The following LRP2 variants were observed in gnomAD, a reference collection of about 807,000 sequenced individuals.
LRP2 encodes the protein low-density lipoprotein receptor-related protein 2.
Under a neutral mutation model 531.0 loss-of-function variants are expected in LRP2, and 172 were observed. The observed-to-expected ratio is 0.32, with a 90% CI of 0.29 to 0.37. The LOEUF (loss-of-function observed/expected upper bound fraction) is 0.37. Among genes scored for constraint, LRP2 ranks in the 10% least tolerant of loss-of-function variants. The pLI, the probability that LRP2 is intolerant of heterozygous loss-of-function variation, is 1.00. For synonymous variants in LRP2, 1,992 were observed against 2,027.6 expected (o/e 0.98, Z 0.47); for missense variants, 5,167 against 5,868.3 (o/e 0.88, Z 3.90).
rs113004828 is a variant in LRP2 at position 169,173,368 on chromosome 2, T to A, written c.11015-144A>T. 1.4e-4 allele frequency: 140 copies of A among 970,594 alleles called. 1 individual carries two copies. In the African/African-American group the frequency reaches 2.0e-3, roughly 14 times the overall value. The allele number at this position is 970,594 out of a possible 1,614,324, so 60.1% of individuals were successfully genotyped here. Reference sequence around the variant, plus strand: ...TCTGGCGATATGTGTCTGTTTTAGATGTGATCTGTTTACCATGAGCAGAAA... The same window carrying A: ...TCTGGCGATATGTGTCTGTTTTAGAAGTGATCTGTTTACCATGAGCAGAAA... On this transcript the variant is annotated intron_variant, in intron 56 of 78. Transcript: ENST00000649046.
At chr2:169,266,575 A>G (rs62173960) in intron 16 of LRP2, among the ~76,000 whole-genome samples, 6,634 of 152,200 alleles carry the variant, frequency 0.044, 191 homozygotes, top group South Asian at 0.11. Context: ...GAAATTGAGT[A>G]ACTTCCCCAA....
In LRP2 at chr2:169,139,591, C is replaced by T. The variant is rs1574064444; in HGVS notation, c.13219G>A (p.Gly4407Arg). 6 of 1,614,166 alleles carry T rather than the reference C, an allele frequency of 3.7e-6. No homozygotes were observed. The highest frequency in any genetic ancestry group is 3.3e-5 in the South Asian group (3 of 91,082). ...PKCKCPSGYT[G>R]KYCEMAFSKG... ...GAAAACGCCATTTCACAATATTTTC[C>T]GGTGTAGCCGCTAGGACACCTGAAA... is the stretch of plus-strand genomic sequence containing the variant. The change falls in exon 73 of 79, where the codon GGA (glycine) becomes AGA (arginine). Residue 4407 changes from glycine (G) to arginine (R), a missense_variant. Gly to Arg is a moderately radical substitution (Grantham distance 125). This residue lies in a region of LRP2 where 348 missense variants were observed against 369.3 expected (regional missense o/e 0.94). Coordinates refer to ENST00000649046, the MANE Select transcript of LRP2 (RefSeq NM_004525.3).
intron 3 of LRP2, among the ~76,000 whole-genome samples, chr2:169,310,710 C>A (rs895742492): frequency 6.6e-6 from 1 of 152,178 alleles, no homozygotes; most frequent in African/African-American, 2.4e-5. Flanking sequence ...ATGATGCTGG[C>A]CTCATAAAAT....
At chr2:169,230,037 A>G (rs1689345029) in intron 31 of LRP2, among the ~76,000 whole-genome samples, 1 of 152,252 alleles carries the variant, frequency 6.6e-6, no homozygotes, top group African/African-American at 2.4e-5. Flanking sequence ...GAAATACTTA[A>G]AAAGTTCCAC....
chr2:169,189,615 G>C (rs1187064449), intron 48 of LRP2, among the ~76,000 whole-genome samples: 2 of 152,076 alleles, frequency 1.3e-5, no homozygotes, highest in Non-Finnish European at 2.9e-5. Context: ...AGCATCAGTA[G>C]TGAGCCAAGA....
intron 52 of LRP2, among the ~76,000 whole-genome samples, chr2:169,180,830 ATTG>A (rs1233682276): frequency 6.6e-6 from 1 of 152,214 alleles, no homozygotes; most frequent in East Asian, 1.9e-4. Flanking sequence ...CAATATGGGT[ATTG>A]TTGTTTAATT....
intron 76 of LRP2, among the ~76,000 whole-genome samples, chr2:169,132,912 G>A (rs1281222925): frequency 1.3e-5 from 2 of 152,072 alleles, no homozygotes; most frequent in African/African-American, 2.4e-5. Context: ...ATCCTGGGAG[G>A]CAAATACATC....
Position 169,175,253 on chromosome 2 carries a change from T to C in LRP2, c.10708A>G (p.Thr3570Ala), listed in dbSNP as rs759757923. 5.6e-6 allele frequency: 9 copies of C among 1,614,172 alleles called. No individual in the cohort carries two copies. In the South Asian group the frequency reaches 8.8e-5, roughly 16 times the overall value. ...CSDGNCTSPQ[T>A]LCNAHQNCPD... ...CAATTTTGGTGAGCATTGCATAAAGTCTGCGGGCTGGTGCAGTTGCCGTCA... is the reference window on the plus strand; with the variant it reads ...CAATTTTGGTGAGCATTGCATAAAGCCTGCGGGCTGGTGCAGTTGCCGTCA... The change falls in exon 55 of 79, where the codon ACT (threonine) becomes GCT (alanine). Residue 3570 changes from threonine (T) to alanine (A), a missense_variant. Around this residue, in one of 6 missense-constraint regions of LRP2, gnomAD observed 311 missense variants for 309.4 expected, o/e 1.01. Coordinates refer to ENST00000649046, the MANE Select transcript of LRP2 (RefSeq NM_004525.3).
At chr2:169,150,270 TA>T (rs1686073541) in intron 68 of LRP2, among the ~76,000 whole-genome samples, 2 of 152,234 alleles carry the variant, frequency 1.3e-5, no homozygotes, top group Non-Finnish European at 2.9e-5. Context: ...AAAACTTTTT[TA>T]AAGTGTCACT....
chr2:169,345,771 A>C lies in LRP2; in HGVS notation c.79+16550T>G, dbSNP rs1685679209. ...GGGGCGGTCAAAAAAAAAAAAAAAA[A>C]CGAGCACTGTTAGAGAAACTCAGAA... On this transcript the variant is annotated intron_variant, in intron 1 of 78. Coordinates refer to ENST00000649046, the MANE Select transcript of LRP2 (RefSeq NM_004525.3). Among the ~76,000 whole-genome samples, 9 of 147,932 alleles carry C rather than the reference A, an allele frequency of 6.1e-5. 1 individual carries two copies. The South Asian group carries it at 1.9e-3, about 31-fold the overall frequency.
At chr2:169,182,071 A>G (rs1687459101) in intron 51 of LRP2, 96 bp downstream of exon 51, 3 of 1,494,254 alleles carry the variant, frequency 2.0e-6, no homozygotes, top group Non-Finnish European at 2.8e-6. Context: ...CCCCAGCAAG[A>G]CATTGGCCTT....
In LRP2 at chr2:169,185,766, G is replaced by A. The variant is rs763917095; in HGVS notation, c.9582C>T (p.Asn3194=). The change falls in exon 50 of 79, where the codon AAC becomes AAT. Residue 3194 remains asparagine, a synonymous_variant. Transcript: ENST00000649046. The part of the protein sequence containing the change: ...REPDGKTCRQ[N]SNIEPYLIFS... Reference sequence around the variant, plus strand: ...AAATGAGATAGGGTTCGATGTTACTGTTTTGCCGGCAGGTCTTTCCATCTG... The same window carrying A: ...AAATGAGATAGGGTTCGATGTTACTATTTTGCCGGCAGGTCTTTCCATCTG... 1 of 1,613,688 alleles carries A rather than the reference G, an allele frequency of 6.2e-7. No homozygotes were observed. Among genetic ancestry groups the A allele is most frequent in the Admixed American group, 1.7e-5 (1 of 59,964 alleles).
At chr2:169,149,637 G>T (rs1423641704) in intron 68 of LRP2, among the ~76,000 whole-genome samples, 1 of 152,098 alleles carries the variant, frequency 6.6e-6, no homozygotes, top group African/African-American at 2.4e-5. Flanking sequence ...AGGAGTTCAA[G>T]ACCAGGCTGC....
Position 169,187,956 on chromosome 2 carries a change from T to G in LRP2, c.9328+14A>C. The G allele has an allele frequency of 6.2e-7, 1 of 1,613,896 alleles. No individual in the cohort carries two copies. Among genetic ancestry groups the G allele is most frequent in the Non-Finnish European group, 8.5e-7 (1 of 1,179,802 alleles). On this transcript the variant is annotated intron_variant, in intron 49 of 78. Transcript: ENST00000649046. ...TCCCCTGTTTCCTTTTCCCAAATCC[T>G]CTGTTGTACTCACCACAGCCTTTCT...
In LRP2 at chr2:169,162,590, C is replaced by A; in HGVS notation, c.11769G>T (p.Pro3923=). The A allele has an allele frequency of 1.2e-6, 2 of 1,614,094 alleles. No individual in the cohort carries two copies. Among genetic ancestry groups the A allele is most frequent in the South Asian group, 2.2e-5 (2 of 91,066 alleles). ...TDETEEHCRK[P]TPKPCTEYEY... Reference sequence around the variant, plus strand: ...CATATTCTGTACAAGGTTTAGGGGTCGGTTTTCTACCTGCAATGTAAAAAC... The same window carrying A: ...CATATTCTGTACAAGGTTTAGGGGTAGGTTTTCTACCTGCAATGTAAAAAC... Residue 3923 remains proline, a synonymous_variant, in exon 63 of 79, where the codon CCG becomes CCT. Coordinates refer to ENST00000649046, the MANE Select transcript of LRP2 (RefSeq NM_004525.3).
rs1689790162 is a variant in LRP2, at chr2:169,241,178, G to T, written c.3855C>A (p.His1285Gln). Reference protein sequence around the residue: ...YFHCDNGNCIHRAWLCDRDND... With the variant: ...YFHCDNGNCIQRAWLCDRDND... ...TGTCCCGATCACAGAGCCATGCCCT[G>T]TGGATGCAGTTTCCGTTGTCACAGT... Residue 1285 changes from histidine to glutamine, a missense_variant, in exon 25 of 79, where the codon CAC becomes CAA. This residue lies in a region of LRP2 where 2,811 missense variants were observed against 3,058.0 expected (regional missense o/e 0.92). Coordinates refer to ENST00000649046, the MANE Select transcript of LRP2 (RefSeq NM_004525.3). 6.2e-7 allele frequency: 1 copy of T among 1,614,188 alleles called. No individual in the cohort carries two copies. Among genetic ancestry groups the T allele is most frequent in the Admixed American group, 1.7e-5 (1 of 60,020 alleles).
At chr2:169,137,580 G>T in intron 75 of LRP2, 87 bp from the exon 76 acceptor site, 2 of 687,488 alleles carry the variant, frequency 2.9e-6, no homozygotes, top group East Asian at 4.0e-5. Context: ...CACACACAAA[G>T]AAAGGTGCCT....
At chr2:169,300,074 CA>C (rs1358289573) in intron 4 of LRP2, among the ~76,000 whole-genome samples, 3 of 152,014 alleles carry the variant, frequency 2.0e-5, no homozygotes, top group Admixed American at 6.6e-5. Flanking sequence ...AAAAGGTAAA[CA>C]AAATTACAAG....
chr2:169,268,420 G>C (rs1683296969), intron 16 of LRP2, among the ~76,000 whole-genome samples: 1 of 152,152 alleles, frequency 6.6e-6, no homozygotes, highest in African/African-American at 2.4e-5. Context: ...TGATCAAGTG[G>C]GCTTCATCCC....
Sources: allele counts gnomAD v4.1 joint callset (sites outside exome capture counted in the v4.1 genomes callset), GRCh38; gene constraint gnomAD v4.1.1; regional missense constraint gnomAD v4.1.1; transcripts MANE v1.5; gene names NCBI Gene and HGNC (gene_info 2026-07-23, HGNC 2026-07-21).